EDC3: variants seen among roughly 807,000 people sequenced by gnomAD.
EDC3 encodes the protein enhancer of mRNA-decapping protein 3.
Under a neutral mutation model 41.8 loss-of-function variants are expected in EDC3, and 20 were observed. The ratio of observed to expected loss-of-function variants is 0.48; its 90% CI spans 0.34 to 0.70. The LOEUF (loss-of-function observed/expected upper bound fraction) is 0.70, where lower values mean the gene tolerates loss of function less well. EDC3 is among the 30% of genes least tolerant of loss of function. The pLI is 0.01. For synonymous variants in EDC3, 206 were observed against 243.2 expected (o/e 0.85, Z 1.42); for missense variants, 444 against 636.8 (o/e 0.70, Z 3.26).
rs2062544987 is a variant in EDC3, at chr15:74,656,061, A to C, written c.492T>G (p.Ser164=). 6.2e-7 allele frequency: 1 copy of C among 1,610,250 alleles called. No individual in the cohort carries two copies. The highest frequency in any genetic ancestry group is 1.3e-5 in the African/African-American group (1 of 74,492). ...TTGCCTGATTTGGGTGCCTGCTACT[A>C]GATGACCCTGGAGAAAAAATAGGGA... The part of the protein sequence containing the change: ...SFRRRHNSWS[S]SSRHPNQATP... Residue 164 remains serine (S), a synonymous_variant, in exon 4 of 7, where the codon TCT becomes TCG. Coordinates refer to ENST00000315127, the MANE Select transcript of EDC3 (RefSeq NM_025083.5).
intron 1 of EDC3, among the ~76,000 whole-genome samples, chr15:74,679,160 C>T (rs796515898): frequency 9.9e-5 from 15 of 152,170 alleles, no homozygotes; most frequent in African/African-American, 2.9e-4. Flanking sequence ...CGCGCCACTG[C>T]ACTCCAGCCC....
chr15:74,653,704 T>C (rs1002647585), intron 4 of EDC3, among the ~76,000 whole-genome samples: 2 of 152,234 alleles, frequency 1.3e-5, no homozygotes, highest in African/African-American at 4.8e-5. Context: ...GTTTGTGGTA[T>C]GTTTATTGAT....
intron 5 of EDC3, chr15:74,639,694 GAC>G (rs1216777708): frequency 6.7e-6 from 1 of 149,140 alleles, no homozygotes; most frequent in African/African-American, 2.5e-5. Context: ...CAGCCTGGGT[GAC>G]AGAGTGAGAA....
intron 3 of EDC3, among the ~76,000 whole-genome samples, chr15:74,657,653 G>C (rs2062566211): frequency 1.3e-5 from 2 of 152,184 alleles, no homozygotes; most frequent in Admixed American, 6.5e-5. Context: ...CCTGAAGCTT[G>C]TAGGAAAATA....
chr15:74,685,305 A>T (rs939356280), intron 1 of EDC3, among the ~76,000 whole-genome samples: 3 of 152,158 alleles, frequency 2.0e-5, no homozygotes, highest in Admixed American at 6.5e-5. Flanking sequence ...CAGAATGCTG[A>T]GACAGGAGGA....
At chr15:74,664,118 G>A (rs1043129058) in intron 3 of EDC3, among the ~76,000 whole-genome samples, 1 of 152,164 alleles carries the variant, frequency 6.6e-6, no homozygotes, top group Non-Finnish European at 1.5e-5. Context: ...TTCCCAAGAG[G>A]AAATACTGAC....
At chr15:74,684,084 G>GTTTTTTTTTTTTTTT (rs58548595) in intron 1 of EDC3, among the ~76,000 whole-genome samples, 8 of 103,056 alleles carry the variant, frequency 7.8e-5, no homozygotes, top group East Asian at 5.8e-4. Context: ...TTTTGTTTCT[G>GTTTTTTTTTTTTTTT]TTTTTTTTTT....
chr15:74,694,591 C>A (rs1304319073), intron 1 of EDC3, among the ~76,000 whole-genome samples: 1 of 152,260 alleles, frequency 6.6e-6, no homozygotes, highest in African/African-American at 2.4e-5. Flanking sequence ...CTGGCGTGAG[C>A]CACAGTGCCC....
At chr15:74,652,736 G>A (rs1208916703) in intron 4 of EDC3, among the ~76,000 whole-genome samples, 1 of 151,980 alleles carries the variant, frequency 6.6e-6, no homozygotes, top group Non-Finnish European at 1.5e-5. Context: ...ATGCCACCGT[G>A]CCCAGCTAAT....
rs1008070157 is a variant in EDC3 at position 74,695,947 on chromosome 15, C to G, written c.-86G>C. On this transcript the variant is annotated 5_prime_UTR_variant, in exon 1 of 7. Coordinates refer to ENST00000315127, the MANE Select transcript of EDC3 (RefSeq NM_025083.5). ...AGCCGACCACTCAACACCAGAGGAC[C>G]CACAGAAGAATTCTCTCCACGCCCA... 6.5e-6 allele frequency: 1 copy of G among 152,724 alleles called. No homozygotes were observed. Among genetic ancestry groups the G allele is most frequent in the African/African-American group, 2.4e-5 (1 of 41,428 alleles). 9.5% of individuals were successfully genotyped at this position (152,724 alleles called of 1,614,324 possible). A position where few individuals can be genotyped will look rare whatever the true frequency, so the allele number is the denominator to read the frequency against.
At chr15:74,682,617 CAA>C (rs61528385) in intron 1 of EDC3, among the ~76,000 whole-genome samples, 22 of 60,554 alleles carry the variant, frequency 3.6e-4, no homozygotes, top group East Asian at 1.4e-3. Flanking sequence ...GACTCCATCT[CAA>C]AAAAAAAAAA....
intron 4 of EDC3, among the ~76,000 whole-genome samples, chr15:74,651,750 G>A (rs2062482914): frequency 6.6e-6 from 1 of 152,212 alleles, no homozygotes; most frequent in Admixed American, 6.5e-5. Context: ...ATTCCTGAGA[G>A]ACTGCAGTAC....
intron 1 of EDC3, among the ~76,000 whole-genome samples, chr15:74,691,555 C>A (rs964641776): frequency 2.0e-5 from 3 of 152,124 alleles, no homozygotes; most frequent in African/African-American, 7.2e-5. Flanking sequence ...AAATCAAGTC[C>A]TGGTCTTTAC....
intron 4 of EDC3, among the ~76,000 whole-genome samples, chr15:74,653,751 A>G (rs569460187): frequency 3.9e-5 from 6 of 152,338 alleles, no homozygotes; most frequent in African/African-American, 1.4e-4. Context: ...TTTTCACTTC[A>G]GTCATTAAAA....
intron 1 of EDC3, among the ~76,000 whole-genome samples, chr15:74,682,357 G>A (rs868129465): frequency 4.6e-5 from 7 of 151,978 alleles, no homozygotes; most frequent in African/African-American, 1.7e-4. Context: ...GGTGGCTCAC[G>A]CCTGTAATCT....
At chr15:74,653,183 T>C (rs993693114) in intron 4 of EDC3, among the ~76,000 whole-genome samples, 2 of 140,782 alleles carry the variant, frequency 1.4e-5, no homozygotes, top group Non-Finnish European at 3.0e-5. Context: ...CAAGACTCTG[T>C]CTCCAAAAAA....
At chr15:74,654,828 T>C (rs1454785890) in intron 4 of EDC3, among the ~76,000 whole-genome samples, 1 of 152,192 alleles carries the variant, frequency 6.6e-6, no homozygotes, top group Admixed American at 6.5e-5. Context: ...CAAATGCAAT[T>C]AGCTGCGTCC....
chr15:74,645,601 G>A (rs377709674), intron 4 of EDC3, among the ~76,000 whole-genome samples: 75 of 145,432 alleles, frequency 5.2e-4, no homozygotes, highest in East Asian at 3.7e-3. Flanking sequence ...GCTCATGCCC[G>A]GCCAAAGAGT....
intron 4 of EDC3, among the ~76,000 whole-genome samples, chr15:74,653,301 G>A (rs1485252118): frequency 6.6e-6 from 1 of 151,836 alleles, no homozygotes; most frequent in African/African-American, 2.4e-5. Context: ...CTTTTAGACT[G>A]TTTCCCTATA....
Sources: gnomAD v4.1 joint callset for allele counts (sites outside exome capture counted in the v4.1 genomes callset) on GRCh38, gnomAD v4.1.1 for gene constraint, MANE v1.5 for transcripts, NCBI Gene and HGNC (gene_info 2026-07-23, HGNC 2026-07-21) for gene names.